CCDC3: variants seen among roughly 807,000 people sequenced by gnomAD.
CCDC3 encodes the protein coiled-coil domain containing 3.
CCDC3 carries 24 observed loss-of-function variants against 21.4 expected under a neutral mutation model. That is an observed-to-expected ratio of 1.12 (90% CI 0.81 to 1.58). The LOEUF is 1.58. Ranked by LOEUF, CCDC3 falls within the 40% of genes most tolerant of loss-of-function variation. The pLI, the probability that CCDC3 is intolerant of heterozygous loss-of-function variation, is 0.00. For synonymous variants in CCDC3, 186 were observed against 166.0 expected, an observed-to-expected ratio of 1.12 and a Z score of -0.93; for missense variants, 425 against 360.9, an observed-to-expected ratio of 1.18 and a Z score of -1.44.
chr10:12,939,046 C>G (rs1218075422), intron 2 of CCDC3, among the ~76,000 whole-genome samples: 1 of 151,686 alleles, frequency 6.6e-6, no homozygotes, highest in Non-Finnish European at 1.5e-5. Context: ...ACTACAAATT[C>G]AGAATCTCCA....
intron 2 of CCDC3, among the ~76,000 whole-genome samples, chr10:12,902,337 A>G (rs1834107870): frequency 6.6e-6 from 1 of 152,202 alleles, no homozygotes; most frequent in Non-Finnish European, 1.5e-5. Flanking sequence ...AAAGATGAGA[A>G]GGTGGGCATG....
At chr10:12,936,645 C>T (rs1167832235) in intron 2 of CCDC3, among the ~76,000 whole-genome samples, 2 of 152,206 alleles carry the variant, frequency 1.3e-5, no homozygotes, top group Non-Finnish European at 2.9e-5. Context: ...CTAAGGTCTC[C>T]TAAGACCAAG....
chr10:13,039,606 T>C (rs1836423148), intron 5 of CCDC3, among the ~76,000 whole-genome samples: 1 of 152,150 alleles, frequency 6.6e-6, no homozygotes, highest in Non-Finnish European at 1.5e-5. Flanking sequence ...GTAAGTTAAT[T>C]AGGATGTTTT....
chr10:13,003,240 A>G (rs1835880515), upstream of CCDC3, among the ~76,000 whole-genome samples: 1 of 152,258 alleles, frequency 6.6e-6, no homozygotes, highest in Admixed American at 6.5e-5. Context: ...ATTGTTGACC[A>G]TGGGCCAATC....
intron 4 of CCDC3, among the ~76,000 whole-genome samples, chr10:13,073,625 G>A (rs1176263768): frequency 6.6e-6 from 1 of 151,866 alleles, no homozygotes; most frequent in East Asian, 1.9e-4. Context: ...GGAGGCTACA[G>A]CTACAACTAC....
At chr10:13,021,958 C>T (rs1836151767) in intron 5 of CCDC3, among the ~76,000 whole-genome samples, 1 of 152,088 alleles carries the variant, frequency 6.6e-6, no homozygotes, top group African/African-American at 2.4e-5. Context: ...CGGGGTTTCA[C>T]CATGTTGGCC....
chr10:13,085,801 T>C (rs1055856843), intron 3 of CCDC3, among the ~76,000 whole-genome samples: 2 of 152,086 alleles, frequency 1.3e-5, no homozygotes, highest in Non-Finnish European at 2.9e-5. Context: ...ACCCCATCTC[T>C]ATTAAAAACA....
intron 2 of CCDC3, among the ~76,000 whole-genome samples, chr10:12,992,399 A>T (rs1351529074): frequency 6.6e-6 from 1 of 152,138 alleles, no homozygotes; most frequent in African/African-American, 2.4e-5. Context: ...AAAAGAAACA[A>T]AACAAAACAA....
At chr10:13,022,971 A>C (rs1456081978) in intron 5 of CCDC3, among the ~76,000 whole-genome samples, 1 of 152,224 alleles carries the variant, frequency 6.6e-6, no homozygotes, top group Non-Finnish European at 1.5e-5. Flanking sequence ...AGAGAAAGTC[A>C]ACAAGGAAGA....
intron 3 of CCDC3, among the ~76,000 whole-genome samples, chr10:13,076,008 G>A (rs1836960030): frequency 6.6e-6 from 1 of 152,184 alleles, no homozygotes; most frequent in Admixed American, 6.5e-5. Context: ...GTTGCAATGA[G>A]CCAAGATTGT....
intron 5 of CCDC3, among the ~76,000 whole-genome samples, chr10:13,008,774 T>C (rs888336441): frequency 7.2e-5 from 11 of 152,196 alleles, no homozygotes; most frequent in African/African-American, 2.7e-4. Context: ...AAGTTAGCAA[T>C]AGAAGGGAAC....
In CCDC3 at chr10:13,090,583, T is replaced by C. The variant is rs567120462; in HGVS notation, c.-503+7942A>G. On this transcript the variant is annotated intron_variant, in intron 3 of 6. Transcript: ENST00000378839. ...ATAGGTGTGGACCTCTTCATTCACC[T>C]ATCCCACAAGTAATGCAAGTTACTC... Among the ~76,000 whole-genome samples the C allele has an allele frequency of 2.0e-5, 3 of 152,318 alleles. No homozygotes were observed. In the South Asian group the frequency reaches 6.2e-4, roughly 32 times the overall value.
upstream of CCDC3, among the ~76,000 whole-genome samples, chr10:13,003,348 A>T (rs1835889179): frequency 6.6e-6 from 1 of 151,062 alleles, no homozygotes; most frequent in African/African-American, 2.5e-5. Context: ...GATAACAGGC[A>T]CAGAGAAGTT....
intron 2 of CCDC3, among the ~76,000 whole-genome samples, chr10:12,902,956 C>T (rs1195703033): frequency 6.6e-6 from 1 of 152,062 alleles, no homozygotes; most frequent in African/African-American, 2.4e-5. Context: ...TGATAAATTC[C>T]CAAGCAAAGG....
At position 13,088,760 on chromosome 10, in the gene CCDC3, C is replaced by T. The variant is rs192081365; in HGVS notation, c.-503+9765G>A. On this transcript the variant is annotated intron_variant, in intron 3 of 6. Transcript: ENST00000378839. ...AATATTAGCTGGGCGCAGTGGCTCA[C>T]GCCTGTAATCCCAGCACTTCGGGAG... is the stretch of plus-strand genomic sequence containing the variant. Among the ~76,000 whole-genome samples the T allele has an allele frequency of 1.5e-3, 235 of 152,236 alleles. 1 individual carries two copies. The highest frequency in any genetic ancestry group is 4.4e-3 in the African/African-American group (181 of 41,544).
chr10:13,058,995 G>GA (rs908191306), intron 4 of CCDC3, among the ~76,000 whole-genome samples: 3 of 152,044 alleles, frequency 2.0e-5, no homozygotes, highest in African/African-American at 4.8e-5. Context: ...CCATTTTACA[G>GA]AAAAAAACAA....
intron 2 of CCDC3, among the ~76,000 whole-genome samples, chr10:12,976,440 TG>T (rs1835419046): frequency 6.6e-6 from 1 of 151,426 alleles, no homozygotes. Context: ...GTATTGGGGG[TG>T]GGGGCAGAGG....
chr10:13,041,841 G>A (rs1836461103), intron 5 of CCDC3, among the ~76,000 whole-genome samples: 1 of 150,872 alleles, frequency 6.6e-6, no homozygotes, highest in Non-Finnish European at 1.5e-5. Context: ...TGGCCAGGCT[G>A]GTCTCGAACT....
rs142102261 is a variant in CCDC3, at chr10:13,068,849, A to G, written c.-270+5019T>C. ...TATAAGAACAGTAAGATGTGTTTTT[A>G]GCAAAAGATGATAAGAAGGCGTAGA... On this transcript the variant is annotated intron_variant, in intron 4 of 6. Transcript: ENST00000378839. Among the ~76,000 whole-genome samples the G allele has an allele frequency of 2.5e-3, 382 of 152,386 alleles. 1 individual carries two copies. The highest frequency in any genetic ancestry group is 7.1e-3 in the African/African-American group (297 of 41,598).
Sources: gnomAD v4.1 joint callset for allele counts (sites outside exome capture counted in the v4.1 genomes callset) on GRCh38, gnomAD v4.1.1 for gene constraint, MANE v1.5 for transcripts, NCBI Gene and HGNC (gene_info 2026-07-23, HGNC 2026-07-21) for gene names.